Variants in DLG2 observed in about 807,000 individuals in gnomAD.
The protein encoded by DLG2 is disks large homolog 2.
Under a neutral mutation model 132.5 loss-of-function variants are expected in DLG2, and 45 were observed. The observed-to-expected ratio is 0.34, with a 90% CI of 0.27 to 0.44. DLG2 has a LOEUF of 0.44. Ranked by LOEUF, DLG2 falls within the 20% of genes least tolerant of loss-of-function variation. DLG2 has a pLI of 1.00. For synonymous variants in DLG2, 424 were observed against 419.6 expected (o/e 1.01, Z -0.13); for missense variants, 1,045 against 1,196.9 (o/e 0.87, Z 1.87).
intron 4 of DLG2, among the ~76,000 whole-genome samples, chr11:85,255,570 CAT>C (rs1291875207): frequency 1.3e-5 from 2 of 152,186 alleles, no homozygotes; most frequent in African/African-American, 4.8e-5. Context: ...TATTTGGTTA[CAT>C]CTTTCACTAT....
chr11:83,590,269 A>T (rs2097164927), intron 19 of DLG2, among the ~76,000 whole-genome samples: 1 of 152,124 alleles, frequency 6.6e-6, no homozygotes, highest in Non-Finnish European at 1.5e-5. Context: ...ATGTAAAAGA[A>T]CAGAAATTAT....
intron 7 of DLG2, among the ~76,000 whole-genome samples, chr11:84,399,345 T>C (rs186510482): frequency 1.7e-4 from 26 of 152,300 alleles, no homozygotes; most frequent in African/African-American, 6.0e-4. Flanking sequence ...CAAATTGCAT[T>C]ATATGCTTGT....
chr11:85,198,627 T>C (rs2081234193), intron 4 of DLG2, among the ~76,000 whole-genome samples: 1 of 152,208 alleles, frequency 6.6e-6, no homozygotes, highest in Non-Finnish European at 1.5e-5. Flanking sequence ...TTGGTTTCTA[T>C]ATCTACAACA....
chr11:83,498,100 A>G (rs1565483276), intron 21 of DLG2, among the ~76,000 whole-genome samples: 1 of 152,104 alleles, frequency 6.6e-6, no homozygotes, highest in African/African-American at 2.4e-5. Flanking sequence ...TTTTCTGTAT[A>G]ATTTTAATTC....
At chr11:85,191,154 G>GCACACACA (rs1555395176) in intron 4 of DLG2, among the ~76,000 whole-genome samples, 5 of 125,148 alleles carry the variant, frequency 4.0e-5, no homozygotes, top group African/African-American at 1.3e-4. Context: ...GCGCGCGCGC[G>GCACACACA]CACGCGCGCA....
intron 6 of DLG2, among the ~76,000 whole-genome samples, chr11:85,059,998 A>G (rs2063878719): frequency 6.6e-6 from 1 of 151,490 alleles, no homozygotes; most frequent in South Asian, 2.1e-4. Flanking sequence ...AGTGTACAGT[A>G]CTACATTATT....
intron 18 of DLG2, chr11:83,693,148 T>C (rs2081278256): frequency 6.6e-6 from 1 of 152,118 alleles, no homozygotes; most frequent in Admixed American, 6.5e-5. Flanking sequence ...ATAACTAACA[T>C]ATTATTGTTA....
intron 3 of DLG2, among the ~76,000 whole-genome samples, chr11:85,297,209 A>T (rs933444373): frequency 6.6e-6 from 1 of 152,204 alleles, no homozygotes; most frequent in East Asian, 1.9e-4. Flanking sequence ...CAGATTAGAA[A>T]ATATGCTACC....
In DLG2 at chr11:84,336,257, C is replaced by T. The variant is rs2098484185; in HGVS notation, c.520-84966G>A. Among the ~76,000 whole-genome samples, 4 of 152,312 alleles carry T rather than the reference C, an allele frequency of 2.6e-5. No individual in the cohort carries two copies. The South Asian group carries it at 8.3e-4, about 32-fold the overall frequency. On this transcript the variant is annotated intron_variant, in intron 7 of 27. Coordinates refer to ENST00000376104, the MANE Select transcript of DLG2 (RefSeq NM_001142699.3). ...TAAATAATCTGGTTAAATGCTATCA[C>T]AACTGGAGGATAGCTGTTATAGCTT...
At chr11:83,837,622 T>A (rs1182447693) in intron 16 of DLG2, among the ~76,000 whole-genome samples, 7 of 150,214 alleles carry the variant, frequency 4.7e-5, no homozygotes. Context: ...CCCAGTCATT[T>A]ATCTAAAGGG....
chr11:85,144,344 T>G (rs2076696231), intron 5 of DLG2, among the ~76,000 whole-genome samples: 1 of 110,600 alleles, frequency 9.0e-6, no homozygotes, highest in Non-Finnish European at 1.8e-5. Flanking sequence ...AGCATATAAT[T>G]GGGTCTTTTT....
chr11:84,244,573 A>G lies in DLG2; in HGVS notation c.573+6665T>C, dbSNP rs568456251. 2.9e-4 allele frequency among the ~76,000 whole-genome samples: 44 copies of G among 152,354 alleles called. 1 individual carries two copies. In the South Asian group the frequency reaches 8.9e-3, roughly 31 times the overall value. On this transcript the variant is annotated intron_variant, in intron 8 of 27. Coordinates refer to ENST00000376104, the MANE Select transcript of DLG2 (RefSeq NM_001142699.3). ...ATTTAGATTGGCTAGGTTTGACACCAGAGCAAATATTGACAGCTTTGCCTC... is the reference window on the plus strand; with the variant it reads ...ATTTAGATTGGCTAGGTTTGACACCGGAGCAAATATTGACAGCTTTGCCTC...
At position 85,441,969 on chromosome 11, in the gene DLG2, G is replaced by C. The variant is rs188309077; in HGVS notation, c.41-156604C>G. Among the ~76,000 whole-genome samples, 3 of 151,938 alleles carry C rather than the reference G, an allele frequency of 2.0e-5. No individual in the cohort carries two copies. The East Asian group carries it at 5.8e-4, about 29-fold the overall frequency. ...GATTTTCTGACTTAAGCTAAGACCA[G>C]AATGATGAGAAGAAAACCAGCCATG... is the stretch of plus-strand genomic sequence containing the variant. On this transcript the variant is annotated intron_variant, in intron 3 of 27. Coordinates refer to ENST00000376104, the MANE Select transcript of DLG2 (RefSeq NM_001142699.3).
intron 7 of DLG2, among the ~76,000 whole-genome samples, chr11:84,484,118 G>T (rs977673206): frequency 4.6e-5 from 7 of 152,048 alleles, no homozygotes; most frequent in African/African-American, 1.7e-4. Flanking sequence ...TCTACTGTGG[G>T]GTACAAGAGA....
rs544450763 is a variant in DLG2 at position 84,506,676 on chromosome 11, G to C, written c.519+27894C>G. 1.4e-4 allele frequency among the ~76,000 whole-genome samples: 21 copies of C among 152,254 alleles called. No individual in the cohort carries two copies. In the South Asian group the frequency reaches 1.9e-3, roughly 14 times the overall value. On this transcript the variant is annotated intron_variant, in intron 7 of 27. Transcript: ENST00000376104. ...AACTGTAAGATAATAAATTTGTGTT[G>C]CTTTATACCATGAAGCTTGTGGTAA...
intron 6 of DLG2, among the ~76,000 whole-genome samples, chr11:84,967,077 C>T (rs143649141): frequency 1.1e-3 from 174 of 152,140 alleles, no homozygotes; most frequent in Middle Eastern, 6.8e-3. Flanking sequence ...ATAAAAACAT[C>T]ATTTTAAATA....
chr11:83,783,426 GT>G (rs1369862545), intron 18 of DLG2, among the ~76,000 whole-genome samples: 2 of 152,198 alleles, frequency 1.3e-5, no homozygotes, highest in Admixed American at 1.3e-4. Flanking sequence ...GAGGAACACA[GT>G]TGGAAATTGT....
intron 3 of DLG2, among the ~76,000 whole-genome samples, chr11:85,494,709 C>T (rs544002442): frequency 8.8e-4 from 133 of 151,988 alleles, no homozygotes; most frequent in African/African-American, 3.1e-3. Context: ...ATTTCAAAAG[C>T]ACATTTGCAA....
intron 18 of DLG2, among the ~76,000 whole-genome samples, chr11:83,653,786 G>C (rs553295590): frequency 6.6e-6 from 1 of 151,944 alleles, no homozygotes; most frequent in Non-Finnish European, 1.5e-5. Context: ...GCCGTGGCAC[G>C]ATCTTGGCTC....
Sources: allele counts gnomAD v4.1 joint callset (sites outside exome capture counted in the v4.1 genomes callset), GRCh38; gene constraint gnomAD v4.1.1; transcripts MANE v1.5; gene names NCBI Gene and HGNC (gene_info 2026-07-23, HGNC 2026-07-21).